CACNA2D1: variants seen among roughly 807,000 people sequenced by gnomAD.
CACNA2D1 encodes voltage-dependent calcium channel subunit alpha-2/delta-1.
In CACNA2D1, 53 loss-of-function variants were observed where a neutral mutation model predicts 171.5. That is an observed-to-expected ratio of 0.31 (90% CI 0.25 to 0.39). The LOEUF (loss-of-function observed/expected upper bound fraction) is 0.39, where lower values mean the gene tolerates loss of function less well. Among genes scored for constraint, CACNA2D1 ranks in the 10% least tolerant of loss-of-function variants. The pLI is 1.00. For synonymous variants in CACNA2D1, 442 were observed against 443.1 expected (o/e 1.00, Z 0.03); for missense variants, 903 against 1,299.8 (o/e 0.69, Z 4.69).
intron 18 of CACNA2D1, among the ~76,000 whole-genome samples, chr7:81,999,695 C>CA (rs1798394672): frequency 6.6e-6 from 1 of 151,694 alleles, no homozygotes; most frequent in African/African-American, 2.4e-5. Flanking sequence ...GAGGCTGCTG[C>CA]AAAAACAAAA....
intron 12 of CACNA2D1, among the ~76,000 whole-genome samples, chr7:82,030,506 T>A (rs1377311176): frequency 6.6e-6 from 1 of 151,642 alleles, no homozygotes; most frequent in Admixed American, 6.6e-5. Context: ...AAAACCTTTA[T>A]ACTCTTTTAA....
chr7:82,326,130 T>G (rs73164289), intron 3 of CACNA2D1, among the ~76,000 whole-genome samples: 13,743 of 152,192 alleles, frequency 0.09, 779 homozygotes, highest in African/African-American at 0.15. Flanking sequence ...GATAATTAGG[T>G]AAATAATTAT....
intron 10 of CACNA2D1, among the ~76,000 whole-genome samples, chr7:82,047,626 T>C (rs755421235): frequency 1.3e-5 from 2 of 152,150 alleles, no homozygotes; most frequent in Non-Finnish European, 2.9e-5. Flanking sequence ...AGCACTGTTC[T>C]GATTGACAAA....
intron 3 of CACNA2D1, among the ~76,000 whole-genome samples, chr7:82,201,257 T>C (rs1799400232): frequency 6.6e-6 from 1 of 152,070 alleles, no homozygotes; most frequent in African/African-American, 2.4e-5. Context: ...AAAAGGAAGG[T>C]TAATGATTTA....
intron 18 of CACNA2D1, among the ~76,000 whole-genome samples, chr7:82,004,144 T>TA (rs1353212144): frequency 1.3e-5 from 2 of 152,132 alleles, no homozygotes; most frequent in African/African-American, 2.4e-5. Flanking sequence ...TTCAAAATTA[T>TA]AAAAAAATTT....
intron 10 of CACNA2D1, among the ~76,000 whole-genome samples, chr7:82,048,413 T>A (rs1042161587): frequency 1.3e-5 from 2 of 152,126 alleles, no homozygotes; most frequent in African/African-American, 4.8e-5. Flanking sequence ...AAATTGCCAA[T>A]ATTTTTATTT....
At position 81,950,434 on chromosome 7, in the gene CACNA2D1, T is replaced by C. The variant is rs747864706; in HGVS notation, c.3234A>G (p.Leu1078=). The C allele has an allele frequency of 6.2e-7, 1 of 1,613,106 alleles. No individual in the cohort carries two copies. Among genetic ancestry groups the C allele is most frequent in the Non-Finnish European group, 8.5e-7 (1 of 1,179,566 alleles). The change falls in exon 39 of 39, where the codon CTA becomes CTG. Residue 1078 remains leucine, a synonymous_variant. Coordinates refer to ENST00000356860, the MANE Select transcript of CACNA2D1 (RefSeq NM_000722.4). The part of the protein sequence containing the change: ...SLWYIIGIQF[L]LLWLVSGSTH... ...TGCTGCCAGATACCAGCCAAAGTAG[T>C]AGAAACTGGATTCCAATGATATACC...
chr7:82,319,485 AAAAATGGCTATTTG>A (rs1283703660), intron 3 of CACNA2D1, among the ~76,000 whole-genome samples: 1 of 152,238 alleles, frequency 6.6e-6, no homozygotes, highest in African/African-American at 2.4e-5. Context: ...AATGACAAGC[AAAAATGGCTATTTG>A]AAAATCCACA....
intron 6 of CACNA2D1, among the ~76,000 whole-genome samples, chr7:82,090,860 A>G (rs985914636): frequency 1.3e-5 from 2 of 152,268 alleles, no homozygotes; most frequent in Admixed American, 6.5e-5. Flanking sequence ...TAAACAAAAG[A>G]TATCTTTTGT....
chr7:82,075,901 T>A (rs912175625), intron 7 of CACNA2D1, among the ~76,000 whole-genome samples: 3 of 152,170 alleles, frequency 2.0e-5, no homozygotes, highest in African/African-American at 7.2e-5. Context: ...GATTGAGAGA[T>A]ATATCTTAGA....
At chr7:82,315,128 A>G (rs371858186) in intron 3 of CACNA2D1, among the ~76,000 whole-genome samples, 21 of 152,022 alleles carry the variant, frequency 1.4e-4, no homozygotes, top group East Asian at 1.2e-3. Flanking sequence ...CAGAGTCTCA[A>G]CAACAACAGC....
chr7:82,165,807 C>T (rs552689623), intron 4 of CACNA2D1, among the ~76,000 whole-genome samples: 2 of 152,076 alleles, frequency 1.3e-5, no homozygotes, highest in Non-Finnish European at 2.9e-5. Context: ...TATGCAAGCT[C>T]TTGATTTCAA....
At chr7:81,960,990 G>A (rs749471245) in intron 36 of CACNA2D1, among the ~76,000 whole-genome samples, 5 of 151,870 alleles carry the variant, frequency 3.3e-5, no homozygotes, top group East Asian at 1.9e-4. Context: ...TACTGACCAC[G>A]TCTCCTAAAA....
intron 1 of CACNA2D1, among the ~76,000 whole-genome samples, chr7:82,434,922 C>T (rs1829993240): frequency 6.6e-6 from 1 of 151,302 alleles, no homozygotes. Context: ...AACTCAGTGT[C>T]TATCTTAGTA....
chr7:81,992,214 T>C (rs553592508), intron 20 of CACNA2D1, among the ~76,000 whole-genome samples: 2 of 152,094 alleles, frequency 1.3e-5, no homozygotes, highest in Non-Finnish European at 1.5e-5. Context: ...AACAGTAACA[T>C]GTATTGAAGT....
At chr7:82,075,055 C>T (rs1808795385) in intron 7 of CACNA2D1, among the ~76,000 whole-genome samples, 1 of 152,100 alleles carries the variant, frequency 6.6e-6, no homozygotes, top group South Asian at 2.1e-4. Context: ...ATGTTCCCCT[C>T]CCTGTGTCCA....
At chr7:82,282,004 T>A (rs1180558808) in intron 3 of CACNA2D1, among the ~76,000 whole-genome samples, 1 of 151,966 alleles carries the variant, frequency 6.6e-6, no homozygotes, top group Non-Finnish European at 1.5e-5. Context: ...CAAAGCTAAA[T>A]CTAATCTGTT....
At chr7:82,405,453 G>A (rs1225459370) in intron 1 of CACNA2D1, among the ~76,000 whole-genome samples, 1 of 152,120 alleles carries the variant, frequency 6.6e-6, no homozygotes, top group African/African-American at 2.4e-5. Flanking sequence ...TTACTTCTAA[G>A]TAAAGACATT....
At chr7:82,197,233 T>G (rs1017862344) in intron 3 of CACNA2D1, among the ~76,000 whole-genome samples, 3 of 151,932 alleles carry the variant, frequency 2.0e-5, no homozygotes, top group Non-Finnish European at 4.4e-5. Context: ...ATAAGAGTAT[T>G]CAGAAACAAA....
Sources: allele counts gnomAD v4.1 joint callset (sites outside exome capture counted in the v4.1 genomes callset), GRCh38; gene constraint gnomAD v4.1.1; transcripts MANE v1.5; gene names NCBI Gene and HGNC (gene_info 2026-07-23, HGNC 2026-07-21).